Variants in FRMPD4 observed in about 807,000 individuals in gnomAD.
The protein encoded by FRMPD4 is FERM and PDZ domain containing 4.
Under a neutral mutation model 94.1 loss-of-function variants are expected in FRMPD4, and 22 were observed. The observed-to-expected ratio is 0.23, with a 90% CI of 0.17 to 0.33. The LOEUF is 0.33. FRMPD4 is among the 10% of genes least tolerant of loss of function. The pLI, the probability that FRMPD4 is intolerant of heterozygous loss-of-function variation, is 1.00. For synonymous variants in FRMPD4, 631 were observed against 548.6 expected, an observed-to-expected ratio of 1.15 and a Z score of -2.10; for missense variants, 1,111 against 1,339.9, an observed-to-expected ratio of 0.83 and a Z score of 2.67.
chrX:12,350,653 C>G (rs1237753241), intron 1 of FRMPD4, among the ~76,000 whole-genome samples: 1 of 112,296 alleles, frequency 8.9e-6, no homozygotes, highest in Non-Finnish European at 1.9e-5. Context: ...TTCAAATTGA[C>G]TTTGTAATAA....
chrX:12,158,282 A>T (rs1037686454), intron 1 of FRMPD4, among the ~76,000 whole-genome samples: 2 of 111,881 alleles, frequency 1.8e-5, no homozygotes, highest in African/African-American at 6.5e-5. Flanking sequence ...TACCAGAAAA[A>T]AATCTTTGTC....
At position 12,425,745 on chromosome X, in the gene FRMPD4, G is replaced by C. The variant is rs770113100; in HGVS notation, c.42-72935G>C. Among the ~76,000 whole-genome samples the C allele has an allele frequency of 6.2e-5, 7 of 112,138 alleles. No individual in the cohort carries two copies. In the East Asian group the frequency reaches 1.7e-3, roughly 27 times the overall value. ...AATGATCCAGTCCTAAATTTCTAGAGTGAGAAGGTCTTGAGAAACCTTGAT... is the reference window on the plus strand; with the variant it reads ...AATGATCCAGTCCTAAATTTCTAGACTGAGAAGGTCTTGAGAAACCTTGAT... On this transcript the variant is annotated intron_variant, in intron 1 of 16. Coordinates refer to ENST00000675598, the MANE Select transcript of FRMPD4 (RefSeq NM_001368397.1).
At chrX:12,232,596 A>G (rs1174067477) in intron 1 of FRMPD4, among the ~76,000 whole-genome samples, 2 of 111,399 alleles carry the variant, frequency 1.8e-5, no homozygotes, top group Admixed American at 1.9e-4. Context: ...TCAGTAGAAC[A>G]TACTGGTCTC....
chrX:12,605,259 C>G lies in FRMPD4; in HGVS notation c.159-4462C>G, dbSNP rs760915229. On this transcript the variant is annotated intron_variant, in intron 2 of 16. Transcript: ENST00000675598. ...AATGTCTCCCATAATGTGGACACATCAGGACACGAGAACTGCATGCTCATA... is the reference window on the plus strand; with the variant it reads ...AATGTCTCCCATAATGTGGACACATGAGGACACGAGAACTGCATGCTCATA... Among the ~76,000 whole-genome samples the G allele has an allele frequency of 2.7e-5, 3 of 112,273 alleles. No individual in the cohort carries two copies. In the East Asian group the frequency reaches 8.4e-4, roughly 31 times the overall value.
At chrX:12,318,262 A>G (rs1214308326) in intron 1 of FRMPD4, among the ~76,000 whole-genome samples, 1 of 112,759 alleles carries the variant, frequency 8.9e-6, no homozygotes, top group Non-Finnish European at 1.9e-5. Context: ...GAGGCAGCTC[A>G]CATCTATAAT....
chrX:11,933,884 G>T (rs749281046), intron 3 of FRMPD4, among the ~76,000 whole-genome samples: 1 of 111,905 alleles, frequency 8.9e-6, no homozygotes, highest in African/African-American at 3.2e-5. Flanking sequence ...TTGTTCCCTC[G>T]TTTATGTTTG....
At chrX:12,597,557 T>A (rs1039148030) in intron 2 of FRMPD4, among the ~76,000 whole-genome samples, 9 of 112,562 alleles carry the variant, frequency 8.0e-5, no homozygotes, top group Non-Finnish European at 1.7e-4. Context: ...TCTAGATGTA[T>A]AAACCTCATG....
intron 3 of FRMPD4, among the ~76,000 whole-genome samples, chrX:12,017,739 C>T (rs970820319): frequency 8.9e-6 from 1 of 112,141 alleles, no homozygotes. Flanking sequence ...TCCTTATTCT[C>T]TCTCAAAAGA....
intron 1 of FRMPD4, among the ~76,000 whole-genome samples, chrX:12,420,319 G>A (rs191192874): frequency 9.8e-5 from 11 of 111,866 alleles, no homozygotes; most frequent in Non-Finnish European, 2.1e-4. Flanking sequence ...TGTCCCACCC[G>A]GGCCTCCATT....
intron 1 of FRMPD4, among the ~76,000 whole-genome samples, chrX:11,852,374 G>GGA (rs1368243553): frequency 1.9e-5 from 2 of 103,625 alleles, no homozygotes; most frequent in Non-Finnish European, 3.9e-5. Context: ...CCTTGGAGCT[G>GGA]GAGGCTGCAG....
At chrX:12,720,180 T>A (rs1034825207) in intron 16 of FRMPD4, among the ~76,000 whole-genome samples, 1 of 112,123 alleles carries the variant, frequency 8.9e-6, no homozygotes, top group Admixed American at 9.4e-5. Flanking sequence ...ATATCTCCAA[T>A]ATATTTGAAT....
intron 1 of FRMPD4, among the ~76,000 whole-genome samples, chrX:12,143,498 C>G (rs940703350): frequency 2.7e-5 from 3 of 112,272 alleles, no homozygotes; most frequent in Non-Finnish European, 5.6e-5. Context: ...CCTACAAAGC[C>G]TAAAATATTT....
chrX:12,400,168 C>T (rs1361108521), intron 1 of FRMPD4, among the ~76,000 whole-genome samples: 1 of 112,353 alleles, frequency 8.9e-6, no homozygotes, highest in Non-Finnish European at 1.9e-5. Flanking sequence ...TAGCCTTCCC[C>T]TTCCCCCCAT....
rs761524835 is a variant in FRMPD4 at position 11,918,266 on chromosome X, TA to T, written c.95+40251del. Among the ~76,000 whole-genome samples, 355 of 113,095 alleles carry T rather than the reference TA, an allele frequency of 3.1e-3. 1 individual carries two copies. The highest frequency in any genetic ancestry group is 0.011 in the African/African-American group (342 of 31,187). ...TTTGTTCTGTTTGTAAGGGAGAGAATAAATTTGGTTTTGACTGATTCATTTG... is the reference window on the plus strand; with the variant it reads ...TTTGTTCTGTTTGTAAGGGAGAGAATAATTTGGTTTTGACTGATTCATTTG... On this transcript the variant is annotated intron_variant, in intron 3 of 18. Coordinates refer to the FRMPD4 transcript ENST00000640291.
At chrX:11,934,541 G>T (rs2054140420) in intron 3 of FRMPD4, among the ~76,000 whole-genome samples, 1 of 111,993 alleles carries the variant, frequency 8.9e-6, no homozygotes, top group African/African-American at 3.2e-5. Flanking sequence ...GAGCATTTTG[G>T]GGAGCAATTC....
chrX:12,082,656 G>T (rs186858636), intron 3 of FRMPD4, among the ~76,000 whole-genome samples: 1 of 111,767 alleles, frequency 8.9e-6, no homozygotes, highest in East Asian at 2.8e-4. Context: ...GAAAAGTTTG[G>T]AACCTCCTAG....
chrX:11,836,520 A>T (rs1360893775), intron 1 of FRMPD4, among the ~76,000 whole-genome samples: 1 of 111,857 alleles, frequency 8.9e-6, no homozygotes, highest in South Asian at 3.8e-4. Context: ...AATGTGAGGA[A>T]GTTGACTCAC....
intron 4 of FRMPD4, among the ~76,000 whole-genome samples, chrX:12,628,726 G>A (rs2059369967): frequency 8.9e-6 from 1 of 112,789 alleles, no homozygotes; most frequent in Admixed American, 9.4e-5. Flanking sequence ...TGCTTGTCCT[G>A]TAGTTCACCC....
chrX:12,096,981 A>T (rs780801418), intron 3 of FRMPD4, among the ~76,000 whole-genome samples: 1 of 112,061 alleles, frequency 8.9e-6, no homozygotes, highest in East Asian at 2.8e-4. Flanking sequence ...AAAAAAAGTG[A>T]AAGGAATTGG....
Sources: allele counts gnomAD v4.1 joint callset (sites outside exome capture counted in the v4.1 genomes callset), GRCh38; gene constraint gnomAD v4.1.1; transcripts MANE v1.5; gene names NCBI Gene and HGNC (gene_info 2026-07-23, HGNC 2026-07-21).